FMNL2: variants seen among roughly 807,000 people sequenced by gnomAD.
The protein encoded by FMNL2 is formin like 2.
Under a neutral mutation model 130.2 loss-of-function variants are expected in FMNL2, and 51 were observed. The observed-to-expected ratio is 0.39, with a 90% CI of 0.31 to 0.49. The LOEUF is 0.49. FMNL2 is among the 20% of genes least tolerant of loss of function. The probability of loss-of-function intolerance (pLI) is 0.85; values close to 1 mark genes in which losing one functional copy is unlikely to be tolerated. For synonymous variants in FMNL2, 465 were observed against 467.1 expected (o/e 1.00, Z 0.06); for missense variants, 977 against 1,316.2 (o/e 0.74, Z 3.99).
intron 1 of FMNL2, among the ~76,000 whole-genome samples, chr2:152,451,256 C>G (rs1165659051): frequency 6.6e-6 from 1 of 152,092 alleles, no homozygotes; most frequent in Admixed American, 6.5e-5. Context: ...TCAAGCGATT[C>G]TTCTGCCTCA....
At chr2:152,596,259 G>A (rs545914139) in intron 9 of FMNL2, among the ~76,000 whole-genome samples, 14 of 152,062 alleles carry the variant, frequency 9.2e-5, no homozygotes, top group African/African-American at 2.9e-4. Context: ...CACTGAGCCC[G>A]GCTGTCTTTT....
intron 1 of FMNL2, among the ~76,000 whole-genome samples, chr2:152,406,261 G>C (rs1195571967): frequency 1.3e-5 from 2 of 152,052 alleles, no homozygotes; most frequent in Non-Finnish European, 2.9e-5. Flanking sequence ...TGTTTTTCTT[G>C]TCAAAGAGGG....
intron 1 of FMNL2, among the ~76,000 whole-genome samples, chr2:152,471,867 G>A (rs1011348396): frequency 6.6e-6 from 1 of 152,098 alleles, no homozygotes; most frequent in Non-Finnish European, 1.5e-5. Context: ...CATAATGAAA[G>A]CTTTTGAAAA....
chr2:152,509,545 G>T (rs1207630454), intron 1 of FMNL2, among the ~76,000 whole-genome samples: 1 of 151,824 alleles, frequency 6.6e-6, no homozygotes, highest in East Asian at 1.9e-4. Context: ...AACCAATACG[G>T]TCACATTTGG....
intron 24 of FMNL2, 127 bp from the exon 25 acceptor site, chr2:152,640,664 T>C: frequency 8.6e-7 from 1 of 1,168,242 alleles, no homozygotes; most frequent in South Asian, 1.6e-5. Flanking sequence ...CTGAGCAGAA[T>C]GTGGGATGTG....
At chr2:152,545,676 G>A (rs1694588728) in intron 3 of FMNL2, among the ~76,000 whole-genome samples, 1 of 152,180 alleles carries the variant, frequency 6.6e-6, no homozygotes, top group African/African-American at 2.4e-5. Flanking sequence ...CTCATCCCAG[G>A]CCTCCCTTGA....
At chr2:152,380,646 G>T (rs539878804) in intron 1 of FMNL2, among the ~76,000 whole-genome samples, 4 of 152,096 alleles carry the variant, frequency 2.6e-5, no homozygotes, top group African/African-American at 9.7e-5. Context: ...TGGATTACTC[G>T]CTGTACCTAC....
intron 1 of FMNL2, among the ~76,000 whole-genome samples, chr2:152,370,345 T>A (rs1223270096): frequency 6.6e-6 from 1 of 152,206 alleles, no homozygotes; most frequent in African/African-American, 2.4e-5. Flanking sequence ...CTAATCCCAT[T>A]CATGAAGACT....
chr2:152,566,308 T>G (rs977990301), intron 6 of FMNL2, among the ~76,000 whole-genome samples: 2 of 152,232 alleles, frequency 1.3e-5, no homozygotes, highest in African/African-American at 4.8e-5. Flanking sequence ...GTAATTTTTA[T>G]TGGTGAGAAA....
chr2:152,475,055 T>G (rs1298361779), intron 1 of FMNL2, among the ~76,000 whole-genome samples: 1 of 152,244 alleles, frequency 6.6e-6, no homozygotes, highest in Non-Finnish European at 1.5e-5. Flanking sequence ...TGTTTGCTTA[T>G]CTATAAAGGA....
intron 9 of FMNL2, among the ~76,000 whole-genome samples, chr2:152,581,372 C>G (rs1696770253): frequency 6.6e-6 from 1 of 152,160 alleles, no homozygotes; most frequent in Non-Finnish European, 1.5e-5. Context: ...GATATTGGCA[C>G]TTGATCGTCC....
intron 25 of FMNL2, among the ~76,000 whole-genome samples, chr2:152,643,142 A>T (rs897418844): frequency 6.6e-6 from 1 of 152,206 alleles, no homozygotes; most frequent in African/African-American, 2.4e-5. Flanking sequence ...CTAAGTCATT[A>T]ATCTACTAGA....
intron 1 of FMNL2, among the ~76,000 whole-genome samples, chr2:152,490,658 A>C (rs1448121597): frequency 2.0e-5 from 3 of 147,232 alleles, no homozygotes; most frequent in Non-Finnish European, 3.0e-5. Context: ...GCAACGGCCC[A>C]CACAACTTGG....
chr2:152,558,158 C>A (rs1048865523), intron 4 of FMNL2, among the ~76,000 whole-genome samples: 2 of 152,112 alleles, frequency 1.3e-5, no homozygotes, highest in African/African-American at 4.8e-5. Flanking sequence ...TGATAGTATG[C>A]GGTGCCTGCA....
chr2:152,560,555 CT>C (rs1209738459), intron 5 of FMNL2, among the ~76,000 whole-genome samples: 2 of 152,180 alleles, frequency 1.3e-5, no homozygotes, highest in African/African-American at 4.8e-5. Flanking sequence ...GCTGTAAGAT[CT>C]TTTCCCCCTT....
chr2:152,637,741 C>T, intron 23 of FMNL2, 67 bp downstream of exon 23: 1 of 1,427,622 alleles, frequency 7.0e-7, no homozygotes. Context: ...GTGTCTGAGT[C>T]CCAACTCTCT....
chr2:152,625,262 A>G, intron 15 of FMNL2, 176 bp from the exon 16 acceptor site: 1 of 604,224 alleles, frequency 1.7e-6, no homozygotes, highest in Non-Finnish European at 2.7e-6. Flanking sequence ...GATGACCTCA[A>G]ATGGCTCTGG....
intron 1 of FMNL2, among the ~76,000 whole-genome samples, chr2:152,369,794 A>G (rs932926415): frequency 1.3e-5 from 2 of 152,358 alleles, no homozygotes; most frequent in African/African-American, 4.8e-5. Flanking sequence ...GAAAACAGCC[A>G]TTGACTTTTC....
chr2:152,577,269 G>A (rs1191994221), intron 7 of FMNL2, among the ~76,000 whole-genome samples: 1 of 152,124 alleles, frequency 6.6e-6, no homozygotes, highest in African/African-American at 2.4e-5. Context: ...TTTGTCTTGG[G>A]CACCTGTGAG....
Sources: gnomAD v4.1 joint callset for allele counts (sites outside exome capture counted in the v4.1 genomes callset) on GRCh38, gnomAD v4.1.1 for gene constraint, MANE v1.5 for transcripts, NCBI Gene and HGNC (gene_info 2026-07-23, HGNC 2026-07-21) for gene names.